The following TRPA1 variants were observed in gnomAD, a reference collection of about 807,000 sequenced individuals.
TRPA1 encodes ankyrin-like with transmembrane domains 1.
Under a neutral mutation model 131.3 loss-of-function variants are expected in TRPA1, and 129 were observed. The observed-to-expected ratio is 0.98, with a 90% CI of 0.85 to 1.14. The LOEUF is 1.14. Ranked by LOEUF, TRPA1 falls within the 50% of genes most tolerant of loss-of-function variation. The probability of loss-of-function intolerance (pLI) is 0.00; values close to 1 mark genes in which losing one functional copy is unlikely to be tolerated. For missense variants in TRPA1, 1,304 were observed against 1,354.2 expected, an observed-to-expected ratio of 0.96 and a Z score of 0.58; for synonymous variants, 441 against 451.7, an observed-to-expected ratio of 0.98 and a Z score of 0.30.
At chr8:72,036,199 C>A (rs1812044070) in intron 21 of TRPA1, 89 bp downstream of exon 21, 1 of 1,359,480 alleles carries the variant, frequency 7.4e-7, no homozygotes, top group South Asian at 1.2e-5. Context: ...AAGGAATAAG[C>A]CAGTTTTAAA....
intron 12 of TRPA1, 58 bp downstream of exon 12, chr8:72,055,378 T>G (rs1252274874): frequency 7.1e-7 from 1 of 1,418,148 alleles, no homozygotes; most frequent in Non-Finnish European, 9.9e-7. Flanking sequence ...AATGAAAAGA[T>G]AGCCTGAAAA....
rs116833405 is a variant in TRPA1, at chr8:72,022,856, C to T, written c.*50G>A. 4.6e-6 allele frequency: 7 copies of T among 1,534,706 alleles called. No homozygotes were observed. In the African/African-American group the frequency reaches 9.5e-5, roughly 21 times the overall value. On this transcript the variant is annotated 3_prime_UTR_variant, in exon 27 of 27. Coordinates refer to ENST00000262209, the MANE Select transcript of TRPA1 (RefSeq NM_007332.3). ...ACTCTTTTTAAATTGAAAGTTAGAACCAGCAAGTCATGCACCCCCCATTAG... is the reference window on the plus strand; with the variant it reads ...ACTCTTTTTAAATTGAAAGTTAGAATCAGCAAGTCATGCACCCCCCATTAG...
chr8:72,084,647 A>ATTTTTTTTTTTTTTT, the TRPA1 span, among the ~76,000 whole-genome samples: 1 of 104,990 alleles, frequency 9.5e-6, no homozygotes. Context: ...TAAAATGATA[A>ATTTTTTTTTTTTTTT]TTTTTTTTTT....
At chr8:72,031,578 AAAAAAAAC>A (rs1440050772) in intron 23 of TRPA1, among the ~76,000 whole-genome samples, 3 of 141,266 alleles carry the variant, frequency 2.1e-5, no homozygotes, top group Non-Finnish European at 3.0e-5. Flanking sequence ...ATCCTATCTC[AAAAAAAAC>A]AAAAAAACAA....
intron 3 of TRPA1, among the ~76,000 whole-genome samples, chr8:72,067,367 G>T (rs1268532222): frequency 1.3e-5 from 2 of 152,100 alleles, no homozygotes; most frequent in Non-Finnish European, 2.9e-5. Flanking sequence ...ACATAGTTGT[G>T]GTTGGTAAGA....
intron 15 of TRPA1, among the ~76,000 whole-genome samples, chr8:72,049,261 T>A (rs1199050085): frequency 6.6e-6 from 1 of 152,226 alleles, no homozygotes; most frequent in Non-Finnish European, 1.5e-5. Context: ...TAGCACTTTA[T>A]ACATTTTACC....
chr8:72,074,428 T>A (rs972193384), intron 1 of TRPA1, among the ~76,000 whole-genome samples: 2 of 152,250 alleles, frequency 1.3e-5, no homozygotes, highest in Non-Finnish European at 2.9e-5. Context: ...TGTTTTTGTG[T>A]AAGCATTTTT....
At chr8:72,084,215 A>G in the TRPA1 span, among the ~76,000 whole-genome samples, 2 of 152,076 alleles carry the variant, frequency 1.3e-5, no homozygotes, top group Admixed American at 6.5e-5. Context: ...TGTATTTTTG[A>G]TTTTTGTATT....
rs904315497 is a variant in TRPA1, at chr8:72,058,140, C to G, written c.994-324G>C. ...CTTAGATCAAGTTTAGTTTCCACTGCAAGAAATAATTTTTAAATGTCTATA... is the reference window on the plus strand; with the variant it reads ...CTTAGATCAAGTTTAGTTTCCACTGGAAGAAATAATTTTTAAATGTCTATA... On this transcript the variant is annotated intron_variant, in intron 8 of 26. Coordinates refer to ENST00000262209, the MANE Select transcript of TRPA1 (RefSeq NM_007332.3). 2.6e-5 allele frequency among the ~76,000 whole-genome samples: 4 copies of G among 152,172 alleles called. No individual in the cohort carries two copies. The South Asian group carries it at 8.3e-4, about 32-fold the overall frequency.
At chr8:72,071,969 T>A in intron 1 of TRPA1, 102 bp from the exon 2 acceptor site, 1 of 1,037,514 alleles carries the variant, frequency 9.6e-7, no homozygotes, top group Non-Finnish European at 1.4e-6. Flanking sequence ...CAAAACTATC[T>A]ATCATGCTTA....
In TRPA1 at chr8:72,022,912, C is replaced by T; in HGVS notation, c.3354G>A (p.Glu1118=). The change falls in exon 27 of 27, where the codon GAG becomes GAA. Residue 1118 remains glutamate, a synonymous_variant. Coordinates refer to ENST00000262209, the MANE Select transcript of TRPA1 (RefSeq NM_007332.3). ...TCACTGAAGGTCTGAGGAGCTAAGG[C>T]TCAAGATGGTGTGTTTTTGCCTTGA... ...RAVKAKTHHL[E]P is the part of the protein sequence containing the mutation. The T allele has an allele frequency of 6.2e-7, 1 of 1,613,638 alleles. No homozygotes were observed. The highest frequency in any genetic ancestry group is 8.5e-7 in the Non-Finnish European group (1 of 1,179,752).
intron 19 of TRPA1, 45 bp downstream of exon 19, chr8:72,038,820 A>G: frequency 6.5e-7 from 1 of 1,546,838 alleles, no homozygotes; most frequent in South Asian, 1.2e-5. Flanking sequence ...GAAAAAATAC[A>G]TTTTTTATAA....
the TRPA1 span, among the ~76,000 whole-genome samples, chr8:72,082,883 A>G: frequency 6.6e-6 from 1 of 151,806 alleles, no homozygotes; most frequent in Non-Finnish European, 1.5e-5. Context: ...AATTTCTTCA[A>G]ATAATTTTTC....
intron 1 of TRPA1, among the ~76,000 whole-genome samples, chr8:72,074,850 T>A (rs2129437028): frequency 6.6e-6 from 1 of 152,276 alleles, no homozygotes; most frequent in Non-Finnish European, 1.5e-5. Flanking sequence ...GGTTTATCTG[T>A]TTCACTCTGT....
rs745542950 is a variant in TRPA1 at position 72,062,807 on chromosome 8, G to A, written c.799C>T (p.Pro267Ser). 3.0e-5 allele frequency: 48 copies of A among 1,613,700 alleles called. No homozygotes were observed. Among genetic ancestry groups the A allele is most frequent in the Non-Finnish European group, 4.0e-5 (47 of 1,179,914 alleles). The change falls in exon 6 of 27, where the codon CCA becomes TCA. Residue 267 changes from proline to serine, a missense_variant. Transcript: ENST00000262209. ...MCLDNGAQID[P>S]VEKGRCTAIH... Reference sequence around the variant, plus strand: ...AGAATATGAAGAGTTACCTCCACTGGGTCTATTTGTGCACCATTGTCCAGG... The same window carrying A: ...AGAATATGAAGAGTTACCTCCACTGAGTCTATTTGTGCACCATTGTCCAGG...
Position 72,071,788 on chromosome 8 carries a change from G to C in TRPA1, c.191C>G (p.Thr64Ser), listed in dbSNP as rs780023484. The change falls in exon 2 of 27, where the codon ACC becomes AGC. Residue 64 changes from threonine (T) to serine (S), a missense_variant. Thr to Ser is a moderately conservative substitution (Grantham distance 58). Coordinates refer to ENST00000262209, the MANE Select transcript of TRPA1 (RefSeq NM_007332.3). ...KKLKRCDDMD[T>S]FFLHYAAAEG... ...TGCTGCAGCATAATGCAAGAAGAAGGTGTCCATATCGTCACATCTTTTTAA... is the reference window on the plus strand; with the variant it reads ...TGCTGCAGCATAATGCAAGAAGAAGCTGTCCATATCGTCACATCTTTTTAA... 6.2e-7 allele frequency: 1 copy of C among 1,613,460 alleles called. No individual in the cohort carries two copies. Among genetic ancestry groups the C allele is most frequent in the Non-Finnish European group, 8.5e-7 (1 of 1,179,732 alleles).
At chr8:72,074,633 C>T (rs892336370) in intron 1 of TRPA1, among the ~76,000 whole-genome samples, 1 of 152,110 alleles carries the variant, frequency 6.6e-6, no homozygotes, top group African/African-American at 2.4e-5. Flanking sequence ...ACTAAGCCAT[C>T]AGGTAGTAGC....
chr8:72,024,310 C>T (rs188638554), intron 25 of TRPA1, among the ~76,000 whole-genome samples: 4 of 152,290 alleles, frequency 2.6e-5, no homozygotes, highest in Non-Finnish European at 5.9e-5. Context: ...AACAAAGTTT[C>T]ACCTGGAGAA....
intron 1 of TRPA1, among the ~76,000 whole-genome samples, chr8:72,072,954 A>G (rs1306395428): frequency 2.6e-5 from 4 of 152,206 alleles, no homozygotes; most frequent in African/African-American, 9.6e-5. Flanking sequence ...TCAGTACCTG[A>G]CGTTGTCAGG....
Sources: allele counts gnomAD v4.1 joint callset (sites outside exome capture counted in the v4.1 genomes callset), GRCh38; gene constraint gnomAD v4.1.1; transcripts MANE v1.5; gene names NCBI Gene and HGNC (gene_info 2026-07-23, HGNC 2026-07-21).